CNOT1: variants seen among roughly 807,000 people sequenced by gnomAD.
CNOT1 encodes the protein CCR4-NOT transcription complex subunit 1.
Under a neutral mutation model 273.8 loss-of-function variants are expected in CNOT1, and 15 were observed. The ratio of observed to expected loss-of-function variants is 0.05; its 90% CI spans 0.04 to 0.08. CNOT1 has a LOEUF of 0.08. Ranked by LOEUF, CNOT1 falls within the 10% of genes least tolerant of loss-of-function variation. The probability of loss-of-function intolerance (pLI) is 1.00; values close to 1 mark genes in which losing one functional copy is unlikely to be tolerated. For missense variants in CNOT1, 1,644 were observed against 2,912.2 expected, an observed-to-expected ratio of 0.56 and a Z score of 10.02; for synonymous variants, 1,022 against 1,005.5, an observed-to-expected ratio of 1.02 and a Z score of -0.31.
intron 1 of CNOT1, among the ~76,000 whole-genome samples, chr16:58,619,394 A>G (rs2043218980): frequency 6.6e-6 from 1 of 151,592 alleles, no homozygotes; most frequent in African/African-American, 2.4e-5. Flanking sequence ...ATTGTAAAAG[A>G]GCATCTTTTG....
At position 58,532,140 on chromosome 16, in the gene CNOT1, T is replaced by A. The variant is rs183724458; in HGVS notation, c.6060-65A>T. On this transcript the variant is annotated intron_variant, in intron 41 of 48. Coordinates refer to ENST00000317147, the MANE Select transcript of CNOT1 (RefSeq NM_016284.5). Reference sequence around the variant, plus strand: ...TTAAATACAGTGAACAGCACATGAATGTAGGCTCAAAATGCTCAAGAGTTC... The same window carrying A: ...TTAAATACAGTGAACAGCACATGAAAGTAGGCTCAAAATGCTCAAGAGTTC... The A allele has an allele frequency of 1.3e-5, 21 of 1,607,570 alleles. No homozygotes were observed. In the Admixed American group the frequency reaches 2.2e-4, roughly 17 times the overall value.
At chr16:58,535,791 T>G (rs2039910054) in intron 39 of CNOT1, among the ~76,000 whole-genome samples, 1 of 151,956 alleles carries the variant, frequency 6.6e-6, no homozygotes, top group South Asian at 2.1e-4. Flanking sequence ...TGGAGTGCAG[T>G]GGTGCAATCT....
intron 1 of CNOT1, among the ~76,000 whole-genome samples, chr16:58,604,163 G>T (rs2042580034): frequency 6.6e-6 from 1 of 152,174 alleles, no homozygotes; most frequent in African/African-American, 2.4e-5. Context: ...ACACACAGCT[G>T]TAAACAGCCT....
chr16:58,567,393 CAGG>C (rs1371476650), intron 16 of CNOT1, among the ~76,000 whole-genome samples: 7 of 151,908 alleles, frequency 4.6e-5, no homozygotes, highest in East Asian at 3.9e-4. Flanking sequence ...GAAGCCAAGG[CAGG>C]AGGAGTGCCT....
chr16:58,611,455 C>T (rs554447193), intron 1 of CNOT1, among the ~76,000 whole-genome samples: 1 of 151,734 alleles, frequency 6.6e-6, no homozygotes, highest in South Asian at 2.1e-4. Context: ...AATAAATAAA[C>T]TCCCCAGTCA....
In CNOT1 at chr16:58,541,349, T is replaced by C. The variant is rs1033940385; in HGVS notation, c.4800+152A>G. On this transcript the variant is annotated intron_variant, in intron 34 of 48. Coordinates refer to ENST00000317147, the MANE Select transcript of CNOT1 (RefSeq NM_016284.5). ...TTAATCCCCTGTATGTCATACTTAA[T>C]TGGACACAAAGAATACCTACAACTC... is the stretch of plus-strand genomic sequence containing the variant. 5 of 1,250,674 alleles carry C rather than the reference T, an allele frequency of 4.0e-6. No individual in the cohort carries two copies. The African/African-American group carries it at 4.6e-5, about 11-fold the overall frequency. The allele number at this position is 1,250,674 out of a possible 1,614,324, so 77.5% of individuals were successfully genotyped here.
At chr16:58,595,122 A>C (rs892769132) in intron 2 of CNOT1, among the ~76,000 whole-genome samples, 1 of 151,956 alleles carries the variant, frequency 6.6e-6, no homozygotes, top group South Asian at 2.1e-4. Flanking sequence ...AAAAAAAAAA[A>C]CAAAAAAGGT....
In CNOT1 at chr16:58,556,977, T is replaced by A. The variant is rs1407608751; in HGVS notation, c.2349A>T (p.Thr783=). Residue 783 remains threonine (T), a synonymous_variant, in exon 19 of 49, where the codon ACA becomes ACT. Transcript: ENST00000317147. ...CAGTTCCTATACCAGTCAGGCTGCCTGTGCCAAGACCACCTACTAGAGAGA... is the reference window on the plus strand; with the variant it reads ...CAGTTCCTATACCAGTCAGGCTGCCAGTGCCAAGACCACCTACTAGAGAGA... ...SSQLPVGGLG[T]GSLTGIGTGA... The A allele has an allele frequency of 1.2e-6, 2 of 1,613,930 alleles. No individual in the cohort carries two copies. The highest frequency in any genetic ancestry group is 2.7e-5 in the African/African-American group (2 of 74,936).
At chr16:58,605,293 A>C (rs2042634472) in intron 1 of CNOT1, among the ~76,000 whole-genome samples, 1 of 152,104 alleles carries the variant, frequency 6.6e-6, no homozygotes, top group African/African-American at 2.4e-5. Context: ...ACCTGAGGTC[A>C]GGAGTTCAAG....
At chr16:58,591,654 T>C (rs1289944633) in intron 2 of CNOT1, among the ~76,000 whole-genome samples, 1 of 151,778 alleles carries the variant, frequency 6.6e-6, no homozygotes, top group African/African-American at 2.4e-5. Context: ...CTCAGGAGGC[T>C]GAGGCTGGAG....
intron 6 of CNOT1, 102 bp from the exon 7 acceptor site, chr16:58,586,850 C>A: frequency 7.8e-7 from 1 of 1,278,300 alleles, no homozygotes. Context: ...TCTCATTCAC[C>A]AGTTCACCCA....
intron 14 of CNOT1, 25 bp from the exon 15 acceptor site, chr16:58,575,154 A>G (rs1189675930): frequency 1.9e-6 from 3 of 1,602,326 alleles, no homozygotes; most frequent in Non-Finnish European, 2.6e-6. Flanking sequence ...ACATTAGATA[A>G]TGCAAATGGA....
intron 1 of CNOT1, among the ~76,000 whole-genome samples, chr16:58,618,166 C>G (rs2043163125): frequency 6.6e-6 from 1 of 152,084 alleles, no homozygotes; most frequent in African/African-American, 2.4e-5. Flanking sequence ...GGATTGTGTA[C>G]TTGCACCTGC....
At chr16:58,596,045 T>G (rs1224161499) in intron 2 of CNOT1, among the ~76,000 whole-genome samples, 1 of 152,234 alleles carries the variant, frequency 6.6e-6, no homozygotes, top group African/African-American at 2.4e-5. Context: ...ACATAAAAAC[T>G]GGAATGATAC....
intron 1 of CNOT1, among the ~76,000 whole-genome samples, chr16:58,618,113 A>C (rs971400575): frequency 1.3e-5 from 2 of 152,202 alleles, no homozygotes; most frequent in Non-Finnish European, 2.9e-5. Flanking sequence ...AGTGGCTAAC[A>C]CAAGTTATTA....
chr16:58,597,637 A>C, intron 2 of CNOT1: 1 of 449,108 alleles, frequency 2.2e-6, no homozygotes, highest in East Asian at 6.0e-5. Context: ...ACATGGAGAG[A>C]TGCTATGCCA....
chr16:58,568,817 C>T (rs910960864), intron 16 of CNOT1, among the ~76,000 whole-genome samples: 1 of 152,124 alleles, frequency 6.6e-6, no homozygotes, highest in Non-Finnish European at 1.5e-5. Flanking sequence ...GACAACAAGG[C>T]TAACCAAGCA....
At chr16:58,553,575 A>C (rs1449540008) in intron 22 of CNOT1, among the ~76,000 whole-genome samples, 3 of 152,214 alleles carry the variant, frequency 2.0e-5, no homozygotes, top group Non-Finnish European at 4.4e-5. Flanking sequence ...GCTACTTAGA[A>C]AAGATAATCC....
chr16:58,585,090 G>T (rs2041791987), intron 8 of CNOT1, among the ~76,000 whole-genome samples: 1 of 152,116 alleles, frequency 6.6e-6, no homozygotes, highest in African/African-American at 2.4e-5. Flanking sequence ...TATGCCTATT[G>T]TGGCAACTAG....
Sources: gnomAD v4.1 joint callset for allele counts (sites outside exome capture counted in the v4.1 genomes callset) on GRCh38, gnomAD v4.1.1 for gene constraint, MANE v1.5 for transcripts, NCBI Gene and HGNC (gene_info 2026-07-23, HGNC 2026-07-21) for gene names.